The following PARVB variants were observed in gnomAD, a reference collection of about 807,000 sequenced individuals.
The protein encoded by PARVB is beta-parvin.
Under a neutral mutation model 47.0 loss-of-function variants are expected in PARVB, and 46 were observed. That is an observed-to-expected ratio of 0.98 (90% CI 0.77 to 1.25). The LOEUF (loss-of-function observed/expected upper bound fraction) is 1.25, where lower values mean the gene tolerates loss of function less well. PARVB is among the 50% of genes most tolerant of loss of function. The pLI is 0.00. For synonymous variants in PARVB, 196 were observed against 196.3 expected (o/e 1.00, Z 0.01); for missense variants, 473 against 471.6 (o/e 1.00, Z -0.03).
intron 2 of PARVB, among the ~76,000 whole-genome samples, chr22:44,095,505 T>TG (rs1555902419): frequency 0.095 from 12,129 of 127,430 alleles, 532 homozygotes; most frequent in African/African-American, 0.13. Flanking sequence ...CATCTCAAAG[T>TG]AAAAAAAAAA....
chr22:44,007,008 TCTG>T (rs912832140), intron 2 of PARVB, among the ~76,000 whole-genome samples: 2 of 152,206 alleles, frequency 1.3e-5, no homozygotes, highest in Admixed American at 6.5e-5. Context: ...CCATGTGAGT[TCTG>T]CTGCGCGGAT....
chr22:44,158,776 T>C (rs1053494526), intron 11 of PARVB, among the ~76,000 whole-genome samples: 1 of 152,240 alleles, frequency 6.6e-6, no homozygotes, highest in African/African-American at 2.4e-5. Context: ...ATTTAGCACA[T>C]TGCCTTTAAA....
At chr22:44,078,421 C>G (rs1364060794) in intron 1 of PARVB, among the ~76,000 whole-genome samples, 1 of 152,200 alleles carries the variant, frequency 6.6e-6, no homozygotes, top group Non-Finnish European at 1.5e-5. Context: ...ACCATCCTGA[C>G]CTTTTCCTGG....
intron 1 of PARVB, among the ~76,000 whole-genome samples, chr22:44,080,002 G>A (rs936768847): frequency 6.6e-5 from 10 of 152,238 alleles, no homozygotes; most frequent in Non-Finnish European, 8.8e-5. Flanking sequence ...AGAATGGCCC[G>A]CGGCAGCCTT....
At chr22:44,002,467 C>T (rs946520680) in intron 2 of PARVB, among the ~76,000 whole-genome samples, 4 of 152,100 alleles carry the variant, frequency 2.6e-5, no homozygotes, top group African/African-American at 9.7e-5. Flanking sequence ...GAAACAAAAG[C>T]GAAGTGCCTG....
chr22:44,019,947 T>C (rs2050628876), upstream of PARVB, among the ~76,000 whole-genome samples: 2 of 152,314 alleles, frequency 1.3e-5, no homozygotes, highest in African/African-American at 4.8e-5. Flanking sequence ...GGTAGGGTTG[T>C]ATGGAAAAAT....
intron 1 of PARVB, among the ~76,000 whole-genome samples, chr22:44,042,583 C>T (rs754003706): frequency 2.6e-5 from 4 of 152,196 alleles, no homozygotes. Flanking sequence ...CTGCTGAGAA[C>T]GTCTGCACTT....
At chr22:44,077,057 G>C (rs545847402) in intron 1 of PARVB, among the ~76,000 whole-genome samples, 1 of 152,304 alleles carries the variant, frequency 6.6e-6, no homozygotes, top group South Asian at 2.1e-4. Flanking sequence ...GTGCAACCGG[G>C]CCTGCCCTGG....
At chr22:44,054,562 G>A (rs2051269166) in intron 1 of PARVB, among the ~76,000 whole-genome samples, 1 of 152,176 alleles carries the variant, frequency 6.6e-6, no homozygotes, top group South Asian at 2.1e-4. Flanking sequence ...GCCAGGGGCA[G>A]GGGTTGGGGG....
At chr22:44,052,735 G>A (rs2051233653) in intron 1 of PARVB, among the ~76,000 whole-genome samples, 1 of 152,164 alleles carries the variant, frequency 6.6e-6, no homozygotes, top group South Asian at 2.1e-4. Flanking sequence ...TTGAGCCCAG[G>A]AGTTCAAGAC....
chr22:44,095,632 C>T (rs1303564478), intron 2 of PARVB, among the ~76,000 whole-genome samples: 4 of 152,226 alleles, frequency 2.6e-5, no homozygotes, highest in African/African-American at 7.2e-5. Flanking sequence ...CAGGCCCCTG[C>T]GCTCACTGCC....
intron 3 of PARVB, among the ~76,000 whole-genome samples, chr22:44,116,901 G>A: frequency 6.6e-6 from 1 of 152,156 alleles, no homozygotes. Context: ...CCCCAGCGAG[G>A]AGGCAGGGTG....
chr22:44,062,226 C>A (rs2896023), intron 1 of PARVB, among the ~76,000 whole-genome samples: 33,804 of 151,974 alleles, frequency 0.22, 4,006 homozygotes, highest in Middle Eastern at 0.29. Context: ...ATTCTGACAC[C>A]ATCGACCTGG....
At chr22:44,001,210 A>C (rs1345046463) in intron 2 of PARVB, among the ~76,000 whole-genome samples, 1 of 152,234 alleles carries the variant, frequency 6.6e-6, no homozygotes, top group Non-Finnish European at 1.5e-5. Flanking sequence ...AGATCACGCC[A>C]CTGCACTCCA....
In PARVB at chr22:44,171,494, C is replaced by CAAAAA. The variant is rs112562506; in HGVS notation, c.*2824_*2828dup. 8.6e-4 allele frequency: 120 copies of CAAAAA among 139,168 alleles called. No individual in the cohort carries two copies. Among genetic ancestry groups the CAAAAA allele is most frequent in the African/African-American group, 2.6e-3 (96 of 37,544 alleles). The allele number at this position is 139,168 out of a possible 1,614,324, so 8.6% of individuals were successfully genotyped here. A position where few individuals can be genotyped will look rare whatever the true frequency, so the allele number is the denominator to read the frequency against. The stretch of plus-strand genomic sequence containing the variant: ...TGAGCAACAGAGTGAGACTCTGTCT[C>CAAAAA]AAAAAAAAAAAAGAAAGAAAAAAGA... On this transcript the variant is annotated 3_prime_UTR_variant, in exon 13 of 13. Transcript: ENST00000338758.
In PARVB at chr22:44,132,778, A is replaced by C. The variant is rs1036043406; in HGVS notation, c.518-116A>C. The C allele has an allele frequency of 6.0e-6, 4 of 662,948 alleles. No individual in the cohort carries two copies. The African/African-American group carries it at 7.3e-5, about 12-fold the overall frequency. The allele number at this position is 662,948 out of a possible 1,614,324, so 41.1% of individuals were successfully genotyped here. ...TCTTGATTTGTCCACACTTCGCTCC[A>C]TCCTTGTCTCGCTGGGGTCTCATTT... is the stretch of plus-strand genomic sequence containing the variant. On this transcript the variant is annotated intron_variant, in intron 5 of 12. Transcript: ENST00000338758.
chr22:44,013,535 C>T (rs977142587), intron 2 of PARVB, among the ~76,000 whole-genome samples: 26 of 152,222 alleles, frequency 1.7e-4, no homozygotes, highest in Non-Finnish European at 2.9e-4. Context: ...ACAGAGGTCG[C>T]CTGCTCTTGA....
At chr22:44,075,085 C>T (rs531254242) in intron 1 of PARVB, among the ~76,000 whole-genome samples, 6 of 152,196 alleles carry the variant, frequency 3.9e-5, no homozygotes, top group East Asian at 1.9e-4. Flanking sequence ...GATGCCACTA[C>T]GTACCCTCCC....
intron 8 of PARVB, chr22:44,144,369 G>A (rs1201846760): frequency 6.6e-6 from 1 of 152,328 alleles, no homozygotes; most frequent in East Asian, 1.9e-4. Flanking sequence ...GCGCAAGCTG[G>A]AGAGTCCACA....
Sources: allele counts gnomAD v4.1 joint callset (sites outside exome capture counted in the v4.1 genomes callset), GRCh38; gene constraint gnomAD v4.1.1; transcripts MANE v1.5; gene names NCBI Gene and HGNC (gene_info 2026-07-23, HGNC 2026-07-21).